RC3H2: variants seen among roughly 807,000 people sequenced by gnomAD.
RC3H2 encodes the protein roquin-2.
RC3H2 carries 31 observed loss-of-function variants against 133.3 expected under a neutral mutation model. The ratio of observed to expected loss-of-function variants is 0.23; its 90% CI spans 0.17 to 0.31. RC3H2 has a LOEUF of 0.31. Among genes scored for constraint, RC3H2 ranks in the 10% least tolerant of loss-of-function variants. The pLI is 1.00. For missense variants in RC3H2, 1,175 were observed against 1,437.2 expected (o/e 0.82, Z 2.95); for synonymous variants, 517 against 502.2 (o/e 1.03, Z -0.40).
At chr9:122,885,937 GAGTGC>G (rs1361636537) in intron 4 of RC3H2, among the ~76,000 whole-genome samples, 1 of 152,176 alleles carries the variant, frequency 6.6e-6, no homozygotes, top group Non-Finnish European at 1.5e-5. Context: ...ACCCAGGCTG[GAGTGC>G]AGTGGCACGA....
At chr9:122,896,426 A>T (rs1004659936) in intron 2 of RC3H2, among the ~76,000 whole-genome samples, 1 of 152,218 alleles carries the variant, frequency 6.6e-6, no homozygotes, top group African/African-American at 2.4e-5. Context: ...CTGGTGAATA[A>T]ATATATATGC....
At position 122,848,782 on chromosome 9, in the gene RC3H2, T is replaced by G. The variant is rs1314191826; in HGVS notation, c.*845A>C. The G allele has an allele frequency of 6.6e-6, 1 of 152,192 alleles. No individual in the cohort carries two copies. The highest frequency in any genetic ancestry group is 1.5e-5 in the Non-Finnish European group (1 of 68,018). 9.4% of individuals were successfully genotyped at this position (152,192 alleles called of 1,614,324 possible). ...ATTCAATAATGTACAGGCTTAAATCTGCATTTTAAAAAACTGCCATTACAT... is the reference window on the plus strand; with the variant it reads ...ATTCAATAATGTACAGGCTTAAATCGGCATTTTAAAAAACTGCCATTACAT... On this transcript the variant is annotated 3_prime_UTR_variant, in exon 21 of 21. Transcript: ENST00000357244.
intron 1 of RC3H2, among the ~76,000 whole-genome samples, chr9:122,902,848 CA>C (rs56346835): frequency 0.3 from 25,573 of 84,474 alleles, 2,504 homozygotes; most frequent in East Asian, 0.63. Context: ...GAGACTGTCT[CA>C]AAAAAAAAAA....
intron 16 of RC3H2, 66 bp downstream of exon 16, chr9:122,854,465 T>G (rs1361171015): frequency 7.7e-7 from 1 of 1,290,460 alleles, no homozygotes; most frequent in African/African-American, 1.5e-5. Flanking sequence ...GGGGGTAGAA[T>G]GTGTACCCTT....
chr9:122,854,044 A>C lies in RC3H2; in HGVS notation c.3025T>G (p.Leu1009Val), dbSNP rs188207125. The stretch of plus-strand genomic sequence containing the variant: ...GAATTCCACTTCTGTTGCATGGCCA[A>C]AGCATTGGCCTCTCTCTGAAGAAGT... ...SLLLQREANA[L>V]AMQQKWNSLD... Residue 1009 changes from leucine (L) to valine (V), a missense_variant, in exon 18 of 21, where the codon TTG becomes GTG. Physicochemically the swap from Leu to Val is conservative, Grantham distance 32 (BLOSUM62 1). This residue lies in a region of RC3H2 where 138 missense variants were observed against 215.0 expected (regional missense o/e 0.64). Coordinates refer to ENST00000357244, the MANE Select transcript of RC3H2 (RefSeq NM_001100588.3). The C allele has an allele frequency of 6.2e-7, 1 of 1,614,194 alleles. No homozygotes were observed. Among genetic ancestry groups the C allele is most frequent in the East Asian group, 2.2e-5 (1 of 44,880 alleles).
In RC3H2 at chr9:122,897,480, T is replaced by G. The variant is rs779991026; in HGVS notation, c.30A>C (p.Glu10Asp). ...TATAGCAGATTGGACAGGACAGAAA[T>G]TCTGTCCATTGAGCTGCCTGCACAG... The part of the protein sequence containing the change: MPVQAAQWT[E>D]FLSCPICYNE... Residue 10 changes from glutamate (E) to aspartate (D), a missense_variant, in exon 2 of 21, where the codon GAA (glutamate) becomes GAC (aspartate). Physicochemically the swap from Glu to Asp is conservative, Grantham distance 45. Transcript: ENST00000357244. 6.2e-7 allele frequency: 1 copy of G among 1,613,870 alleles called. No homozygotes were observed. The highest frequency in any genetic ancestry group is 8.5e-7 in the Non-Finnish European group (1 of 1,179,944).
intron 18 of RC3H2, among the ~76,000 whole-genome samples, chr9:122,852,994 G>C (rs1830109611): frequency 6.6e-6 from 1 of 152,210 alleles, no homozygotes; most frequent in African/African-American, 2.4e-5. Flanking sequence ...TGTCTGTGTA[G>C]AAAGAAGTAG....
At chr9:122,877,023 G>C (rs1831370126) in intron 9 of RC3H2, among the ~76,000 whole-genome samples, 1 of 152,158 alleles carries the variant, frequency 6.6e-6, no homozygotes, top group Non-Finnish European at 1.5e-5. Flanking sequence ...CTCAAAATAT[G>C]ACCACTGAGT....
chr9:122,861,656 A>T (rs2131400191), intron 10 of RC3H2, among the ~76,000 whole-genome samples: 1 of 152,310 alleles, frequency 6.6e-6, no homozygotes, highest in South Asian at 2.1e-4. Context: ...GATCTTGTTA[A>T]TTATGCAGGA....
At chr9:122,853,395 AAAG>A in intron 18 of RC3H2, among the ~76,000 whole-genome samples, 1 of 140,020 alleles carries the variant, frequency 7.1e-6, no homozygotes. Flanking sequence ...AAAAAAAAAA[AAAG>A]AAAAATACTG....
At chr9:122,852,351 G>A (rs1307145650) in intron 18 of RC3H2, among the ~76,000 whole-genome samples, 2 of 149,718 alleles carry the variant, frequency 1.3e-5, no homozygotes, top group Non-Finnish European at 3.0e-5. Context: ...CAGCCACCCC[G>A]TCTGGGAAGT....
At chr9:122,884,235 G>A (rs533268514) in intron 4 of RC3H2, among the ~76,000 whole-genome samples, 2 of 152,206 alleles carry the variant, frequency 1.3e-5, no homozygotes, top group South Asian at 2.1e-4. Flanking sequence ...GGAGCTTGCA[G>A]TGAGCCGAGA....
At position 122,890,296 on chromosome 9, in the gene RC3H2, T is replaced by C. The variant is rs1201544207; in HGVS notation, c.583+16A>G. 5.0e-6 allele frequency: 8 copies of C among 1,608,070 alleles called. No individual in the cohort carries two copies. The highest frequency in any genetic ancestry group is 1.3e-5 in the African/African-American group (1 of 74,720). On this transcript the variant is annotated intron_variant, in intron 4 of 20. Coordinates refer to ENST00000357244, the MANE Select transcript of RC3H2 (RefSeq NM_001100588.3). ...CCAATAGCTAATAAAAAAGGTAAGA[T>C]AGTAACCTATCTTACCTGGCCCTAA... is the stretch of plus-strand genomic sequence containing the variant.
rs745986587 is a variant in RC3H2 at position 122,849,611 on chromosome 9, A to G, written c.*16T>C. On this transcript the variant is annotated 3_prime_UTR_variant, in exon 21 of 21. Coordinates refer to ENST00000357244, the MANE Select transcript of RC3H2 (RefSeq NM_001100588.3). ...CTTCCATGGTGTGGTCACAAATTTG[A>G]AAGATGAACCTCCTTTCAGCTGTTA... 28 of 1,590,904 alleles carry G rather than the reference A, an allele frequency of 1.8e-5. No individual in the cohort carries two copies. Among genetic ancestry groups the G allele is most frequent in the Non-Finnish European group, 6.9e-6 (8 of 1,163,950 alleles).
In RC3H2 at chr9:122,847,588, G is replaced by A. The variant is rs1394809531; in HGVS notation, c.*2039C>T. 2 of 152,072 alleles carry A rather than the reference G, an allele frequency of 1.3e-5. No homozygotes were observed. Among genetic ancestry groups the A allele is most frequent in the African/African-American group, 4.8e-5 (2 of 41,408 alleles). The allele number at this position is 152,072 out of a possible 1,614,324, so 9.4% of individuals were successfully genotyped here. On this transcript the variant is annotated 3_prime_UTR_variant, in exon 21 of 21. Transcript: ENST00000357244. ...GTAATAAGCACATATTTATAGAAAG[G>A]TTCTGATATAAATTATATAACAATC...
intron 18 of RC3H2, 125 bp from the exon 19 acceptor site, chr9:122,851,561 A>G (rs570747130): frequency 4.5e-5 from 58 of 1,290,824 alleles, no homozygotes; most frequent in Admixed American, 2.2e-4. Context: ...AAGCTGGACT[A>G]TACTGCTGCC....
intron 9 of RC3H2, among the ~76,000 whole-genome samples, chr9:122,869,349 TAGTA>T (rs1294364003): frequency 6.6e-6 from 1 of 152,338 alleles, no homozygotes; most frequent in South Asian, 2.1e-4. Flanking sequence ...AAAGTGTTAG[TAGTA>T]AGCAATGCCT....
At position 122,905,344 on chromosome 9, in the gene RC3H2, G is replaced by A. The variant is rs1346396862; in HGVS notation, c.-302C>T. On this transcript the variant is annotated 5_prime_UTR_variant, in exon 1 of 21. Coordinates refer to ENST00000357244, the MANE Select transcript of RC3H2 (RefSeq NM_001100588.3). ...CCTCCTCCTCCTCCTCACCACGGAGGCGGACCTGGAGGGATCCCGATCTAG... is the reference window on the plus strand; with the variant it reads ...CCTCCTCCTCCTCCTCACCACGGAGACGGACCTGGAGGGATCCCGATCTAG... 8.3e-6 allele frequency: 8 copies of A among 964,334 alleles called. No individual in the cohort carries two copies. In the African/African-American group the frequency reaches 1.1e-4, roughly 13 times the overall value. The allele number at this position is 964,334 out of a possible 1,614,324, so 59.7% of individuals were successfully genotyped here.
chr9:122,849,887 T>C (rs1214002828), intron 20 of RC3H2, 65 bp from the exon 21 acceptor site: 29 of 1,132,614 alleles, frequency 2.6e-5, no homozygotes, highest in African/African-American at 9.6e-5. Flanking sequence ...AGGGTGACTA[T>C]ACATATTTAA....
Sources: allele counts gnomAD v4.1 joint callset (sites outside exome capture counted in the v4.1 genomes callset), GRCh38; gene constraint gnomAD v4.1.1; regional missense constraint gnomAD v4.1.1; transcripts MANE v1.5; gene names NCBI Gene and HGNC (gene_info 2026-07-23, HGNC 2026-07-21).